ZDHHC15: variants seen among roughly 807,000 people sequenced by gnomAD.
The protein encoded by ZDHHC15 is palmitoyltransferase ZDHHC15.
Under a neutral mutation model 31.7 loss-of-function variants are expected in ZDHHC15, and 19 were observed. That is an observed-to-expected ratio of 0.60 (90% CI 0.42 to 0.88). The LOEUF (loss-of-function observed/expected upper bound fraction) is 0.88. Ranked by LOEUF, ZDHHC15 falls within the 40% of genes least tolerant of loss-of-function variation. The pLI is 0.00. For synonymous variants in ZDHHC15, 103 were observed against 90.0 expected, an observed-to-expected ratio of 1.14 and a Z score of -0.82; for missense variants, 209 against 251.2, an observed-to-expected ratio of 0.83 and a Z score of 1.14.
At chrX:75,491,707 G>C (rs993023136) in intron 2 of ZDHHC15, among the ~76,000 whole-genome samples, 86 of 111,040 alleles carry the variant, frequency 7.7e-4, no homozygotes, top group Non-Finnish European at 1.4e-3. Context: ...CCTAAGTGAA[G>C]GAGAAATAAA....
chrX:75,371,186 T>C lies in ZDHHC15; in HGVS notation c.*1792A>G, dbSNP rs1314112632. 1 of 111,855 alleles carries C rather than the reference T, an allele frequency of 8.9e-6. No homozygotes were observed. The highest frequency in any genetic ancestry group is 1.9e-5 in the Non-Finnish European group (1 of 53,232). 9.2% of individuals were successfully genotyped at this position (111,855 alleles called of 1,213,427 possible). A position where few individuals can be genotyped will look rare whatever the true frequency, so the allele number is the denominator to read the frequency against. ...ATGAATAGAAGACAAGGCTTGTCTG[T>C]CATAAAACCATGGGAATGGCCAAAT... On this transcript the variant is annotated 3_prime_UTR_variant, in exon 12 of 12. Transcript: ENST00000373367.
Position 75,384,887 on chromosome X carries a change from T to C in ZDHHC15, c.968-5689A>G, listed in dbSNP as rs751883898. The C allele has an allele frequency of 6.1e-4, 304 of 496,644 alleles. 1 individual carries two copies. The highest frequency in any genetic ancestry group is 4.8e-4 in the Admixed American group (16 of 33,277). 40.9% of individuals were successfully genotyped at this position (496,644 alleles called of 1,213,427 possible). ...CTGTAAAAAAAAAGATGGTAAATAATTGACTAAGATTAAAGACTCTTCCAT... is the reference window on the plus strand; with the variant it reads ...CTGTAAAAAAAAAGATGGTAAATAACTGACTAAGATTAAAGACTCTTCCAT... On this transcript the variant is annotated intron_variant, in intron 10 of 11. Coordinates refer to ENST00000373367, the MANE Select transcript of ZDHHC15 (RefSeq NM_144969.3).
intron 2 of ZDHHC15, among the ~76,000 whole-genome samples, chrX:75,492,775 C>T (rs1032758175): frequency 5.4e-5 from 6 of 111,475 alleles, no homozygotes; most frequent in African/African-American, 1.6e-4. Flanking sequence ...GGGACACATT[C>T]AAAGCAGTGT....
chrX:75,510,683 G>C (rs1488677621), intron 1 of ZDHHC15, among the ~76,000 whole-genome samples: 1 of 84,195 alleles, frequency 1.2e-5, no homozygotes, highest in South Asian at 7.3e-4. Flanking sequence ...CCACTAACGT[G>C]TCATCTAGCA....
chrX:75,379,326 T>A, intron 10 of ZDHHC15, 128 bp from the exon 11 acceptor site: 1 of 629,078 alleles, frequency 1.6e-6, no homozygotes, highest in African/African-American at 2.2e-5. Context: ...CTCTAAAGAC[T>A]GATGTGTAAC....
chrX:75,424,055 C>A (rs1478381998), intron 8 of ZDHHC15, among the ~76,000 whole-genome samples: 1 of 111,319 alleles, frequency 9.0e-6, no homozygotes, highest in Non-Finnish European at 1.9e-5. Flanking sequence ...GACTAACTGA[C>A]AGAAAATATG....
intron 10 of ZDHHC15, among the ~76,000 whole-genome samples, chrX:75,413,454 CAT>C (rs1340792828): frequency 9.0e-6 from 1 of 111,000 alleles, no homozygotes; most frequent in African/African-American, 3.3e-5. Flanking sequence ...AATAAAGAAA[CAT>C]ATGAGTTCAA....
intron 3 of ZDHHC15, among the ~76,000 whole-genome samples, chrX:75,460,418 C>T (rs931877665): frequency 7.2e-5 from 8 of 110,832 alleles, no homozygotes; most frequent in African/African-American, 2.3e-4. Context: ...GTAGAGCAAA[C>T]CTGCTCTACC....
intron 4 of ZDHHC15, among the ~76,000 whole-genome samples, chrX:75,442,918 G>A (rs1356609063): frequency 6.7e-4 from 70 of 104,633 alleles, no homozygotes; most frequent in Non-Finnish European, 9.8e-4. Flanking sequence ...CCCAGGAGGC[G>A]GAGCTTGCAG....
At chrX:75,452,208 GA>G (rs139024642) in intron 3 of ZDHHC15, among the ~76,000 whole-genome samples, 2,137 of 85,008 alleles carry the variant, frequency 0.025, 66 homozygotes, top group African/African-American at 0.09. Context: ...AATAGAAAGC[GA>G]AAAAAAAAAA....
At chrX:75,417,888 T>C (rs2083566424) in intron 9 of ZDHHC15, among the ~76,000 whole-genome samples, 1 of 112,099 alleles carries the variant, frequency 8.9e-6, no homozygotes, top group Admixed American at 9.5e-5. Context: ...CTGAATGCAT[T>C]CCACATTTGA....
At chrX:75,455,457 G>T (rs181511369) in intron 3 of ZDHHC15, among the ~76,000 whole-genome samples, 14 of 111,753 alleles carry the variant, frequency 1.3e-4, no homozygotes, top group Non-Finnish European at 2.3e-4. Context: ...CGTAGGCATG[G>T]GCAAGGACTT....
chrX:75,495,768 C>G (rs755027341), intron 2 of ZDHHC15, among the ~76,000 whole-genome samples: 10 of 69,844 alleles, frequency 1.4e-4, no homozygotes, highest in African/African-American at 6.1e-4. Context: ...ACATCATACA[C>G]TGGGGACTGT....
At chrX:75,399,816 C>T (rs2083336562) in intron 10 of ZDHHC15, among the ~76,000 whole-genome samples, 1 of 111,299 alleles carries the variant, frequency 9.0e-6, no homozygotes, top group Non-Finnish European at 1.9e-5. Context: ...GACCAGTAAG[C>T]CTGAGTGTCA....
chrX:75,379,301 C>G lies in ZDHHC15; in HGVS notation c.968-103G>C, dbSNP rs138001437. The G allele has an allele frequency of 2.3e-3, 1,919 of 816,667 alleles. 27 individuals carry two copies. In the African/African-American group the frequency reaches 0.033, roughly 14 times the overall value. 67.3% of individuals were successfully genotyped at this position (816,667 alleles called of 1,213,427 possible). A position where few individuals can be genotyped will look rare whatever the true frequency, so the allele number is the denominator to read the frequency against. On this transcript the variant is annotated intron_variant, in intron 10 of 11. Transcript: ENST00000373367. ...CTTCTTGTTCAATCTCTGCAGGCAA[C>G]AGATACCTGCAAACCTCTAAAGACT... is the stretch of plus-strand genomic sequence containing the variant.
chrX:75,518,346 G>A (rs1200899681), intron 1 of ZDHHC15, among the ~76,000 whole-genome samples: 1 of 110,964 alleles, frequency 9.0e-6, no homozygotes, highest in African/African-American at 3.3e-5. Flanking sequence ...TCCCAAAGAA[G>A]ATATATGGAT....
At chrX:75,480,810 T>A (rs926791204) in intron 2 of ZDHHC15, among the ~76,000 whole-genome samples, 5 of 112,008 alleles carry the variant, frequency 4.5e-5, no homozygotes, top group Admixed American at 1.9e-4. Flanking sequence ...AATTTTTATA[T>A]ATGTCATCAG....
At chrX:75,432,317 G>A (rs975102888) in intron 4 of ZDHHC15, among the ~76,000 whole-genome samples, 1 of 110,961 alleles carries the variant, frequency 9.0e-6, no homozygotes, top group Non-Finnish European at 1.9e-5. Context: ...TGATTATTAA[G>A]TATAAAAACT....
intron 10 of ZDHHC15, among the ~76,000 whole-genome samples, chrX:75,381,928 A>G (rs1289754730): frequency 9.0e-6 from 1 of 111,617 alleles, no homozygotes; most frequent in Non-Finnish European, 1.9e-5. Context: ...TTCCAATAAC[A>G]TCTAGCTTAA....
Sources: allele counts gnomAD v4.1 joint callset (sites outside exome capture counted in the v4.1 genomes callset), GRCh38; gene constraint gnomAD v4.1.1; transcripts MANE v1.5; gene names NCBI Gene and HGNC (gene_info 2026-07-23, HGNC 2026-07-21).